The following CARMIL1 variants were observed in gnomAD, a reference collection of about 807,000 sequenced individuals.
CARMIL1 encodes capping protein regulator and myosin 1 linker 1.
A neutral mutation model predicts 177.1 loss-of-function variants in CARMIL1; 90 were observed. The observed-to-expected ratio is 0.51, with a 90% CI of 0.43 to 0.61. CARMIL1 has a LOEUF of 0.61. Ranked by LOEUF, CARMIL1 falls within the 20% of genes least tolerant of loss-of-function variation. The pLI, the probability that CARMIL1 is intolerant of heterozygous loss-of-function variation, is 0.00. For synonymous variants in CARMIL1, 577 were observed against 606.2 expected, an observed-to-expected ratio of 0.95 and a Z score of 0.71; for missense variants, 1,380 against 1,667.0, an observed-to-expected ratio of 0.83 and a Z score of 3.00.
At chr6:25,511,866 A>C (rs1805487171) in intron 20 of CARMIL1, among the ~76,000 whole-genome samples, 1 of 152,152 alleles carries the variant, frequency 6.6e-6, no homozygotes, top group Non-Finnish European at 1.5e-5. Flanking sequence ...CTAGAAAATG[A>C]ATCTCATTAT....
At chr6:25,561,235 T>C (rs1811082483) in intron 29 of CARMIL1, among the ~76,000 whole-genome samples, 1 of 152,244 alleles carries the variant, frequency 6.6e-6, no homozygotes, top group African/African-American at 2.4e-5. Context: ...TACTGATTAG[T>C]TATCTCTAAA....
chr6:25,324,349 GT>G (rs34619369), intron 2 of CARMIL1, among the ~76,000 whole-genome samples: 91,636 of 142,810 alleles, frequency 0.64, 29,346 homozygotes, highest in African/African-American at 0.79. Flanking sequence ...GATTCAACAA[GT>G]TTTTTTTTTT....
chr6:25,469,580 C>T (rs1582060659), intron 9 of CARMIL1, among the ~76,000 whole-genome samples: 1 of 151,922 alleles, frequency 6.6e-6, no homozygotes, highest in African/African-American at 2.4e-5. Flanking sequence ...ATGTGTGAAA[C>T]GGGGTCTCAC....
At chr6:25,570,658 A>T (rs1208405411) in intron 29 of CARMIL1, among the ~76,000 whole-genome samples, 10 of 152,366 alleles carry the variant, frequency 6.6e-5, no homozygotes, top group Admixed American at 3.3e-4. Context: ...TCTTTTCAAT[A>T]GTCTCTCATC....
chr6:25,322,593 C>A (rs1784776377), intron 2 of CARMIL1, among the ~76,000 whole-genome samples: 1 of 152,154 alleles, frequency 6.6e-6, no homozygotes, highest in East Asian at 1.9e-4. Context: ...GAGCTTGTAA[C>A]CTTCCCTTTA....
chr6:25,324,976 A>T (rs942577393), intron 2 of CARMIL1, among the ~76,000 whole-genome samples: 9 of 151,976 alleles, frequency 5.9e-5, no homozygotes, highest in African/African-American at 1.9e-4. Flanking sequence ...GGGCCAAGCC[A>T]TGCAGAGCCT....
intron 2 of CARMIL1, among the ~76,000 whole-genome samples, chr6:25,294,610 A>G (rs544660471): frequency 6.3e-4 from 96 of 152,312 alleles, no homozygotes; most frequent in African/African-American, 2.2e-3. Context: ...GTCTACTGGA[A>G]TATCACAGAA....
intron 2 of CARMIL1, among the ~76,000 whole-genome samples, chr6:25,344,547 C>T (rs1050761996): frequency 2.6e-5 from 4 of 152,186 alleles, no homozygotes; most frequent in African/African-American, 9.7e-5. Context: ...AAGCTGATCA[C>T]AGATCTTAAG....
Position 25,450,328 on chromosome 6 carries a change from G to GT in CARMIL1, c.470-10dup. ...CCAAAGACCTGTCAGTGTTTTTGTT[G>GT]TATGTTTCAGGTGGATTTTCTCAGA... On this transcript the variant is annotated splice_polypyrimidine_tract_variant and intron_variant, in intron 6 of 36. Coordinates refer to ENST00000329474, the MANE Select transcript of CARMIL1 (RefSeq NM_017640.6). 6.2e-7 allele frequency: 1 copy of GT among 1,607,288 alleles called. No homozygotes were observed. The highest frequency in any genetic ancestry group is 8.5e-7 in the Non-Finnish European group (1 of 1,174,246).
At position 25,482,302 on chromosome 6, in the gene CARMIL1, T is replaced by C. The variant is rs1341786975; in HGVS notation, c.920T>C (p.Leu307Ser). 6.3e-7 allele frequency: 1 copy of C among 1,589,452 alleles called. No individual in the cohort carries two copies. The highest frequency in any genetic ancestry group is 1.4e-5 in the African/African-American group (1 of 73,850). Residue 307 changes from leucine (L) to serine (S), a missense_variant, in exon 12 of 37, where the codon TTA (leucine) becomes TCA (serine). By Grantham distance (145) the Leu-to-Ser change is moderately radical. Coordinates refer to ENST00000329474, the MANE Select transcript of CARMIL1 (RefSeq NM_017640.6). ...SIQFAKLPKG[L>S]KHLNLSKTSL... ...CAATTTGCCAAACTCCCAAAGGGAT[T>C]AAAGCACTTAAATTTATCTAAAACC...
intron 8 of CARMIL1, among the ~76,000 whole-genome samples, chr6:25,458,181 C>T (rs1163464484): frequency 1.3e-5 from 2 of 152,118 alleles, no homozygotes; most frequent in Non-Finnish European, 2.9e-5. Flanking sequence ...GATCTAGACT[C>T]TCAATCCCTT....
chr6:25,581,814 GAATT>G (rs955066932), intron 31 of CARMIL1, among the ~76,000 whole-genome samples: 1 of 152,072 alleles, frequency 6.6e-6, no homozygotes, highest in Non-Finnish European at 1.5e-5. Context: ...AGTACCCAAA[GAATT>G]AATTGGTAAT....
At chr6:25,329,875 G>A (rs1177344202) in intron 2 of CARMIL1, among the ~76,000 whole-genome samples, 1 of 152,222 alleles carries the variant, frequency 6.6e-6, no homozygotes, top group Non-Finnish European at 1.5e-5. Context: ...AGTTATTTGC[G>A]AAGTTTTAGT....
At chr6:25,431,151 T>C (rs72831261) in intron 4 of CARMIL1, among the ~76,000 whole-genome samples, 25,496 of 152,190 alleles carry the variant, frequency 0.17, 2,360 homozygotes, top group East Asian at 0.23. Flanking sequence ...TTTGGTTCCA[T>C]TGGTTTTCTT....
intron 27 of CARMIL1, among the ~76,000 whole-genome samples, chr6:25,552,641 G>A (rs189838377): frequency 6.6e-6 from 1 of 152,144 alleles, no homozygotes; most frequent in Admixed American, 6.5e-5. Flanking sequence ...CATAGTATCC[G>A]GTAGCAAAAT....
intron 2 of CARMIL1, among the ~76,000 whole-genome samples, chr6:25,349,979 A>G (rs1482862163): frequency 6.6e-6 from 1 of 151,946 alleles, no homozygotes; most frequent in Non-Finnish European, 1.5e-5. Context: ...CGCCCGCCTT[A>G]GCCTCCTAAA....
At chr6:25,358,200 C>T (rs1246416006) in intron 2 of CARMIL1, among the ~76,000 whole-genome samples, 1 of 152,192 alleles carries the variant, frequency 6.6e-6, no homozygotes, top group Non-Finnish European at 1.5e-5. Flanking sequence ...CTTAAAAACA[C>T]TAGCAGACAG....
At chr6:25,426,412 ATTTTTT>A in intron 3 of CARMIL1, 83 bp from the exon 4 acceptor site, 19 of 762,060 alleles carry the variant, frequency 2.5e-5, no homozygotes, top group South Asian at 6.7e-5. Flanking sequence ...TAGTTGTAGG[ATTTTTT>A]TTTTTTTTTT....
intron 2 of CARMIL1, among the ~76,000 whole-genome samples, chr6:25,290,439 C>G (rs9467456): frequency 6.7e-6 from 1 of 149,626 alleles, no homozygotes; most frequent in African/African-American, 2.5e-5. Context: ...AGCAAGAGCC[C>G]TGATGACCTC....
Sources: allele counts gnomAD v4.1 joint callset (sites outside exome capture counted in the v4.1 genomes callset), GRCh38; gene constraint gnomAD v4.1.1; transcripts MANE v1.5; gene names NCBI Gene and HGNC (gene_info 2026-07-23, HGNC 2026-07-21).